Variants in ARHGAP17 observed in about 807,000 individuals in gnomAD.
The protein encoded by ARHGAP17 is Rho GTPase activating protein 17.
Under a neutral mutation model 99.5 loss-of-function variants are expected in ARHGAP17, and 57 were observed. That is an observed-to-expected ratio of 0.57 (90% CI 0.46 to 0.71). The LOEUF (loss-of-function observed/expected upper bound fraction) is 0.71. ARHGAP17 is among the 30% of genes least tolerant of loss of function. The pLI is 0.00. For synonymous variants in ARHGAP17, 417 were observed against 429.6 expected (o/e 0.97, Z 0.36); for missense variants, 1,000 against 1,122.4 (o/e 0.89, Z 1.56).
At chr16:24,945,960 A>G (rs1437182340) in intron 14 of ARHGAP17, among the ~76,000 whole-genome samples, 1 of 152,218 alleles carries the variant, frequency 6.6e-6, no homozygotes, top group Non-Finnish European at 1.5e-5. Context: ...GGACAACAGT[A>G]TAAATGTCAA....
chr16:24,932,613 T>G (rs1423808089), intron 18 of ARHGAP17, among the ~76,000 whole-genome samples: 1 of 152,090 alleles, frequency 6.6e-6, no homozygotes, highest in Admixed American at 6.6e-5. Flanking sequence ...CCGCAACCAT[T>G]TGAGTTAATA....
chr16:25,006,115 C>A (rs1480761801), intron 1 of ARHGAP17, among the ~76,000 whole-genome samples: 2 of 152,018 alleles, frequency 1.3e-5, no homozygotes, highest in South Asian at 2.1e-4. Context: ...CAGCTCAAGG[C>A]AGCAAAGCCA....
intron 1 of ARHGAP17, among the ~76,000 whole-genome samples, chr16:24,989,580 G>T (rs1386840313): frequency 6.6e-6 from 1 of 151,912 alleles, no homozygotes; most frequent in Non-Finnish European, 1.5e-5. Context: ...TAGATGAGTG[G>T]TTGGCTTTGG....
intron 19 of ARHGAP17, among the ~76,000 whole-genome samples, chr16:24,924,692 G>A (rs1011020457): frequency 3.3e-5 from 5 of 151,682 alleles, no homozygotes; most frequent in Admixed American, 6.6e-5. Flanking sequence ...GTGAAACCCC[G>A]TCTATACTAA....
rs1381935032 is a variant in ARHGAP17, at chr16:24,968,439, A to G, written c.385-12T>C. 1.2e-6 allele frequency: 2 copies of G among 1,614,000 alleles called. No homozygotes were observed. The highest frequency in any genetic ancestry group is 1.3e-5 in the African/African-American group (1 of 74,946). ...TTGGGAATCTCCACCTAAAAATAAG[A>G]ACATACCAAATGGGATGCACTTCAG... On this transcript the variant is annotated splice_polypyrimidine_tract_variant and intron_variant, in intron 5 of 19. Coordinates refer to ENST00000289968, the MANE Select transcript of ARHGAP17 (RefSeq NM_001006634.3).
At chr16:24,987,776 C>T (rs188310525) in intron 1 of ARHGAP17, among the ~76,000 whole-genome samples, 65 of 152,264 alleles carry the variant, frequency 4.3e-4, no homozygotes, top group African/African-American at 1.5e-3. Flanking sequence ...TGCACACTGA[C>T]TGATACGTCA....
intron 3 of ARHGAP17, among the ~76,000 whole-genome samples, chr16:24,971,916 G>C (rs1002085726): frequency 3.9e-5 from 6 of 152,226 alleles, no homozygotes; most frequent in African/African-American, 1.4e-4. Flanking sequence ...CCTCTGTTCA[G>C]TGTCTTCCCT....
intron 3 of ARHGAP17, 129 bp downstream of exon 3, chr16:24,977,086 G>T: frequency 1.8e-6 from 1 of 548,072 alleles, no homozygotes. Flanking sequence ...GGTGTCATGA[G>T]CGTGCTTGGT....
intron 1 of ARHGAP17, among the ~76,000 whole-genome samples, chr16:24,988,061 A>G (rs1417300413): frequency 1.3e-5 from 2 of 152,200 alleles, no homozygotes; most frequent in African/African-American, 4.8e-5. Flanking sequence ...CTCCCGTTAC[A>G]AGTGTTTACA....
chr16:24,996,263 T>C (rs2053189282), intron 1 of ARHGAP17, among the ~76,000 whole-genome samples: 2 of 152,218 alleles, frequency 1.3e-5, no homozygotes, highest in Non-Finnish European at 2.9e-5. Flanking sequence ...AAATTTGTTG[T>C]GCCATAACAT....
rs538734488 is a variant in ARHGAP17, at chr16:24,958,537, G to A, written c.724+1134C>T. On this transcript the variant is annotated intron_variant, in intron 9 of 19. Transcript: ENST00000289968. ...TGAACTAATAATCTTGATTATTTGGGAAGGCAAGGGCAATGGCTGAGAAAA... is the reference window on the plus strand; with the variant it reads ...TGAACTAATAATCTTGATTATTTGGAAAGGCAAGGGCAATGGCTGAGAAAA... Among the ~76,000 whole-genome samples the A allele has an allele frequency of 1.8e-4, 27 of 152,292 alleles. No homozygotes were observed. In the South Asian group the frequency reaches 5.6e-3, roughly 32 times the overall value.
intron 13 of ARHGAP17, among the ~76,000 whole-genome samples, chr16:24,948,257 T>A (rs933839119): frequency 2.0e-5 from 3 of 152,128 alleles, no homozygotes; most frequent in African/African-American, 7.2e-5. Context: ...TACACTACCA[T>A]TTGGTTTTTT....
At position 24,955,480 on chromosome 16, in the gene ARHGAP17, A is replaced by G. The variant is rs1192209392; in HGVS notation, c.725-750T>C. The G allele has an allele frequency of 6.6e-6, 1 of 152,262 alleles. No individual in the cohort carries two copies. Among genetic ancestry groups the G allele is most frequent in the Non-Finnish European group, 1.5e-5 (1 of 68,056 alleles). The allele number at this position is 152,262 out of a possible 1,614,324, so 9.4% of individuals were successfully genotyped here. Reference sequence around the variant, plus strand: ...GTAAAATAGAAAGAAGAATTTAGAGAACGGACATATGAATTAGAATAAGAA... The same window carrying G: ...GTAAAATAGAAAGAAGAATTTAGAGGACGGACATATGAATTAGAATAAGAA... On this transcript the variant is annotated intron_variant, in intron 9 of 19. Coordinates refer to ENST00000289968, the MANE Select transcript of ARHGAP17 (RefSeq NM_001006634.3). The surrounding 1 kb of genome is among the most constrained non-coding windows in gnomAD (Gnocchi z 4.0).
chr16:24,995,514 A>G (rs1279965441), intron 1 of ARHGAP17, among the ~76,000 whole-genome samples: 1 of 152,226 alleles, frequency 6.6e-6, no homozygotes, highest in Non-Finnish European at 1.5e-5. Context: ...ACCCCATTTA[A>G]GCTCAGGTAC....
intron 7 of ARHGAP17, among the ~76,000 whole-genome samples, chr16:24,961,479 A>C (rs1220863668): frequency 6.7e-6 from 1 of 149,066 alleles, no homozygotes; most frequent in African/African-American, 2.5e-5. Flanking sequence ...AGCCTGGACA[A>C]CAGAGCAAGA....
At position 24,939,482 on chromosome 16, in the gene ARHGAP17, C is replaced by T. The variant is rs199828507; in HGVS notation, c.1606G>A (p.Val536Met). 3.5e-4 allele frequency: 556 copies of T among 1,611,212 alleles called. No individual in the cohort carries two copies. The highest frequency in any genetic ancestry group is 4.5e-4 in the Non-Finnish European group (531 of 1,179,176). The change falls in exon 17 of 20, where the codon GTG becomes ATG. Residue 536 changes from valine to methionine, a missense_variant. Physicochemically the swap from Val to Met is conservative, Grantham distance 21 (BLOSUM62 1). Transcript: ENST00000289968. Reference protein sequence around the residue: ...PLPPTDGSTVVPAGPEPPPQS... With the variant: ...PLPPTDGSTVMPAGPEPPPQS... The stretch of plus-strand genomic sequence containing the variant: ...GGAGGGGGCTCTGGGCCAGCGGGCA[C>T]CACGGTGCTGCCATCTGTGGGCGGA...
At chr16:24,960,532 G>T (rs192896066) in intron 7 of ARHGAP17, among the ~76,000 whole-genome samples, 1 of 151,340 alleles carries the variant, frequency 6.6e-6, no homozygotes, top group African/African-American at 2.4e-5. Flanking sequence ...GGCCGATAGA[G>T]TGAGACTCTG....
chr16:24,950,642 C>G (rs181267828), intron 12 of ARHGAP17, among the ~76,000 whole-genome samples: 2 of 152,010 alleles, frequency 1.3e-5, no homozygotes, highest in African/African-American at 4.8e-5. Flanking sequence ...TGAGACCAGT[C>G]TGGCCAACAT....
At chr16:24,982,980 ATATATATATATATATATTTTTTTTTTTTT>A (rs1367183398) in intron 1 of ARHGAP17, among the ~76,000 whole-genome samples, 1 of 16,874 alleles carries the variant, frequency 5.9e-5, no homozygotes, top group African/African-American at 2.3e-4. Context: ...ATATATATAT[ATATATATATATATATATTTTTTTTTTTTT>A]TTTTTTTTTT....
Sources: gnomAD v4.1 joint callset for allele counts (sites outside exome capture counted in the v4.1 genomes callset) on GRCh38, gnomAD v4.1.1 for gene constraint, Gnocchi (gnomAD v3.1) non-coding constraint, MANE v1.5 for transcripts, NCBI Gene and HGNC (gene_info 2026-07-23, HGNC 2026-07-21) for gene names.